Variants in MTMR8 observed in about 807,000 individuals in gnomAD.
The protein encoded by MTMR8 is myotubularin related protein 8.
In MTMR8, 65 loss-of-function variants were observed where a neutral mutation model predicts 39.3. The observed-to-expected ratio is 1.65, with a 90% CI of 1.35 to 2.03. MTMR8 has a LOEUF of 2.03. MTMR8 is among the 30% of genes most tolerant of loss of function. The pLI is 0.00. For synonymous variants in MTMR8, 245 were observed against 185.2 expected, an observed-to-expected ratio of 1.32 and a Z score of -2.62; for missense variants, 777 against 538.9, an observed-to-expected ratio of 1.44 and a Z score of -4.37.
intron 1 of MTMR8, among the ~76,000 whole-genome samples, chrX:64,380,434 A>G (rs1291983797): frequency 8.9e-6 from 1 of 112,699 alleles, no homozygotes; most frequent in Non-Finnish European, 1.9e-5. Context: ...CTCAAAGGTT[A>G]ACTTAATTGG....
At chrX:64,348,276 T>C (rs1038309786) in intron 6 of MTMR8, among the ~76,000 whole-genome samples, 11 of 110,545 alleles carry the variant, frequency 1.0e-4, no homozygotes, top group Non-Finnish European at 1.9e-4. Context: ...AAAAAACATG[T>C]TGGTTGTAGT....
At chrX:64,338,346 G>A (rs1038826973) in intron 8 of MTMR8, among the ~76,000 whole-genome samples, 1 of 112,309 alleles carries the variant, frequency 8.9e-6, no homozygotes, top group African/African-American at 3.2e-5. Flanking sequence ...TCCATGCCAG[G>A]TATAACAAAG....
chrX:64,386,784 C>A (rs1445805941), intron 1 of MTMR8, among the ~76,000 whole-genome samples: 1 of 111,396 alleles, frequency 9.0e-6, no homozygotes, highest in Non-Finnish European at 1.9e-5. Context: ...TGGCTTTCAC[C>A]TGTAATTCCA....
chrX:64,323,440 G>C (rs1922708572), intron 12 of MTMR8, among the ~76,000 whole-genome samples: 1 of 111,541 alleles, frequency 9.0e-6, no homozygotes, highest in South Asian at 3.8e-4. Flanking sequence ...TAGATCTAAG[G>C]GAATAGACTG....
intron 12 of MTMR8, among the ~76,000 whole-genome samples, chrX:64,281,224 A>T (rs1347069804): frequency 8.9e-6 from 1 of 111,732 alleles, no homozygotes; most frequent in Non-Finnish European, 1.9e-5. Context: ...AAATCAAAAA[A>T]CAGCTCATAT....
At chrX:64,355,010 C>G (rs768815056) in intron 3 of MTMR8, 76 bp from the exon 4 acceptor site, 2 of 890,974 alleles carry the variant, frequency 2.2e-6, no homozygotes, top group East Asian at 7.2e-5. Context: ...CAAATAAAGG[C>G]TAGATTTCCT....
At chrX:64,360,857 CAT>C (rs1429479564) in intron 1 of MTMR8, among the ~76,000 whole-genome samples, 4 of 111,318 alleles carry the variant, frequency 3.6e-5, no homozygotes, top group African/African-American at 9.8e-5. Flanking sequence ...AGGTTAACAA[CAT>C]ACTAGTTGAA....
At chrX:64,324,481 A>C (rs781266057) in intron 12 of MTMR8, among the ~76,000 whole-genome samples, 6 of 109,689 alleles carry the variant, frequency 5.5e-5, no homozygotes, top group East Asian at 2.9e-4. Context: ...CCAGGAGTTC[A>C]AGACCAGCCT....
In MTMR8 at chrX:64,357,525, A is replaced by C. The variant is rs761489186; in HGVS notation, c.148-1187T>G. ...CTGCAGCCTCAACCTCCTGGGTTCA[A>C]AGGAGATCATCTTGCCTCAGCCTCC... On this transcript the variant is annotated intron_variant, in intron 2 of 13. Transcript: ENST00000374852. Among the ~76,000 whole-genome samples, 16 of 111,082 alleles carry C rather than the reference A, an allele frequency of 1.4e-4. No individual in the cohort carries two copies. In the South Asian group the frequency reaches 5.8e-3, roughly 40 times the overall value.
chrX:64,301,660 T>G (rs917534647), intron 12 of MTMR8, among the ~76,000 whole-genome samples: 2 of 111,647 alleles, frequency 1.8e-5, no homozygotes, highest in African/African-American at 3.3e-5. Flanking sequence ...GCTCTGCGTT[T>G]TAGAGTTTCC....
chrX:64,335,322 G>C (rs1923045748), intron 10 of MTMR8, among the ~76,000 whole-genome samples: 1 of 110,958 alleles, frequency 9.0e-6, no homozygotes, highest in South Asian at 3.9e-4. Flanking sequence ...AGTAGAGAAG[G>C]GGTTTCACCA....
rs140387296 is a variant in MTMR8 at position 64,268,637 on chromosome X, A to G, written c.2015T>C (p.Ile672Thr). ...CCCAGAGAAACCCCTGGCCTCAGAA[A>G]TACCCAAGTTTCCAGAGATGCCAGT... ...EATGISGNLG[I>T]SEARGFSGDM... Residue 672 changes from isoleucine (I) to threonine (T), a missense_variant, in exon 14 of 14, where the codon ATT (isoleucine) becomes ACT (threonine). Physicochemically the swap from Ile to Thr is moderately conservative, Grantham distance 89 (BLOSUM62 -1). Transcript: ENST00000374852. 1 of 1,209,632 alleles carries G rather than the reference A, an allele frequency of 8.3e-7. No homozygotes were observed. The highest frequency in any genetic ancestry group is 1.8e-5 in the African/African-American group (1 of 56,987).
chrX:64,270,928 T>A lies in MTMR8; in HGVS notation c.1608+19A>T. 1.7e-6 allele frequency: 2 copies of A among 1,205,620 alleles called. No individual in the cohort carries two copies. Among genetic ancestry groups the A allele is most frequent in the Non-Finnish European group, 2.2e-6 (2 of 892,813 alleles). On this transcript the variant is annotated intron_variant, in intron 13 of 13. Transcript: ENST00000374852. The stretch of plus-strand genomic sequence containing the variant: ...CCAGAAGGGGCAAGAAGATCTCTCT[T>A]TGGGACTTTTCTCCTCACCTTTTCT...
intron 10 of MTMR8, 145 bp from the exon 11 acceptor site, chrX:64,331,902 A>C: frequency 4.2e-5 from 20 of 478,886 alleles, no homozygotes; most frequent in Middle Eastern, 6.1e-4. Context: ...CCAGAATCTC[A>C]AAGCTAGTCA....
chrX:64,353,064 G>A (rs866907953), intron 4 of MTMR8, among the ~76,000 whole-genome samples: 1 of 111,535 alleles, frequency 9.0e-6, no homozygotes, highest in African/African-American at 3.3e-5. Flanking sequence ...TTACAGTTCA[G>A]TCATTTTCAA....
chrX:64,280,773 C>T (rs781313168), intron 12 of MTMR8, among the ~76,000 whole-genome samples: 11 of 111,156 alleles, frequency 9.9e-5, no homozygotes, highest in Non-Finnish European at 2.1e-4. Flanking sequence ...TGTTTGCTGA[C>T]GACATGATCC....
intron 12 of MTMR8, among the ~76,000 whole-genome samples, chrX:64,299,370 G>T (rs1921753360): frequency 9.7e-6 from 1 of 103,549 alleles, no homozygotes; most frequent in Non-Finnish European, 2.0e-5. Flanking sequence ...TTTGCGTAGA[G>T]GTGTTTGTAG....
chrX:64,365,421 A>T (rs958154325), intron 1 of MTMR8, among the ~76,000 whole-genome samples: 8 of 111,955 alleles, frequency 7.1e-5, no homozygotes, highest in Non-Finnish European at 1.5e-4. Context: ...CTCAGCAGAA[A>T]TTCTACAAGC....
rs199844693 is a variant in MTMR8 at position 64,337,293 on chromosome X, A to C, written c.1076T>G (p.Phe359Cys). 1 of 1,208,058 alleles carries C rather than the reference A, an allele frequency of 8.3e-7. No homozygotes were observed. Among genetic ancestry groups the C allele is most frequent in the East Asian group, 3.0e-5 (1 of 33,683 alleles). ...CSVASILLDP[F>C]YRTFKGLMIL... ...CATGAGTCCTTTGAATGTCCTATAA[A>C]ATGGATCTAGGAGGATGCTAGCCAC... is the stretch of plus-strand genomic sequence containing the variant. Residue 359 changes from phenylalanine to cysteine, a missense_variant, in exon 9 of 14, where the codon TTT becomes TGT. Coordinates refer to ENST00000374852, the MANE Select transcript of MTMR8 (RefSeq NM_017677.4).
Sources: allele counts gnomAD v4.1 joint callset (sites outside exome capture counted in the v4.1 genomes callset), GRCh38; gene constraint gnomAD v4.1.1; transcripts MANE v1.5; gene names NCBI Gene and HGNC (gene_info 2026-07-23, HGNC 2026-07-21).